Variants in SYNE2 observed in about 807,000 individuals in gnomAD.
SYNE2 encodes the protein spectrin repeat containing nuclear envelope protein 2.
A neutral mutation model predicts 856.3 loss-of-function variants in SYNE2; 431 were observed. The ratio of observed to expected loss-of-function variants is 0.50; its 90% CI spans 0.47 to 0.55. The LOEUF (loss-of-function observed/expected upper bound fraction) is 0.55, where lower values mean the gene tolerates loss of function less well. Ranked by LOEUF, SYNE2 falls within the 20% of genes least tolerant of loss-of-function variation. The pLI is 0.00. For synonymous variants in SYNE2, 2,923 were observed against 2,872.3 expected (o/e 1.02, Z -0.56); for missense variants, 8,129 against 8,023.2 (o/e 1.01, Z -0.50).
At position 64,080,466 on chromosome 14, in the gene SYNE2, A is replaced by G. The variant is rs1595379549; in HGVS notation, c.11174A>G (p.Asp3725Gly). 1.2e-6 allele frequency: 2 copies of G among 1,614,042 alleles called. No individual in the cohort carries two copies. The highest frequency in any genetic ancestry group is 3.3e-5 in the Admixed American group (2 of 60,004). Reference protein sequence around the residue: ...KAQEIQKKMWDELDLWHSKLN... With the variant: ...KAQEIQKKMWGELDLWHSKLN... ...GATTTCCTTCTCCAGAAAATGTGGG[A>G]CGAGTTAGATCTATGGCATTCCAAA... The change falls in exon 56 of 116, where the codon GAC becomes GGC. Residue 3725 changes from aspartate (D) to glycine (G), a missense_variant. By Grantham distance (94) the Asp-to-Gly change is moderately conservative (BLOSUM62 -1). Coordinates refer to ENST00000555002, the MANE Select transcript of SYNE2 (RefSeq NM_182914.3).
At chr14:64,104,830 C>A (rs909196955) in intron 64 of SYNE2, among the ~76,000 whole-genome samples, 2 of 152,166 alleles carry the variant, frequency 1.3e-5, no homozygotes, top group African/African-American at 4.8e-5. Flanking sequence ...CAAACTAAAT[C>A]TCTAGTCTTG....
rs958422399 is a variant in SYNE2 at position 63,879,890 on chromosome 14, C to T, written c.-52+26747C>T. ...TATAGCACCAACCAGCAAAGGATAT[C>T]GCAGTTGCGTAGAAATTAAATCTCT... On this transcript the variant is annotated intron_variant, in intron 1 of 115. Transcript: ENST00000555002. 7.2e-5 allele frequency among the ~76,000 whole-genome samples: 11 copies of T among 152,316 alleles called. No individual in the cohort carries two copies. In the East Asian group the frequency reaches 1.3e-3, roughly 19 times the overall value.
chr14:64,096,351 A>G (rs979143229), intron 61 of SYNE2, among the ~76,000 whole-genome samples: 14 of 152,210 alleles, frequency 9.2e-5, no homozygotes, highest in Non-Finnish European at 1.5e-4. Flanking sequence ...CTTTCATGCC[A>G]TCAGTGCAAA....
intron 51 of SYNE2, among the ~76,000 whole-genome samples, chr14:64,066,035 C>T (rs867097395): frequency 9.2e-5 from 14 of 152,196 alleles, no homozygotes; most frequent in Middle Eastern, 6.8e-3. Flanking sequence ...TAATTTTCAA[C>T]TATGGAAATT....
intron 100 of SYNE2, among the ~76,000 whole-genome samples, chr14:64,203,255 G>T (rs1374898886): frequency 6.6e-6 from 1 of 151,950 alleles, no homozygotes; most frequent in Non-Finnish European, 1.5e-5. Context: ...ACTGATCTTT[G>T]TTGTGTTTTG....
In SYNE2 at chr14:63,940,602, T is replaced by C; in HGVS notation, c.80-12T>C. 1 of 1,614,030 alleles carries C rather than the reference T, an allele frequency of 6.2e-7. No individual in the cohort carries two copies. Among genetic ancestry groups the C allele is most frequent in the Non-Finnish European group, 8.5e-7 (1 of 1,179,902 alleles). On this transcript the variant is annotated splice_polypyrimidine_tract_variant and intron_variant, in intron 2 of 115. Transcript: ENST00000555002. ...TCTGGTTTTATAACTGCTGTTGTTC[T>C]TTCTTTGATAGCTGAACAGGAAGAC...
Position 64,152,644 on chromosome 14 carries a change from A to C in SYNE2, c.15720A>C (p.Ala5240=), listed in dbSNP as rs370147066. The C allele has an allele frequency of 5.6e-5, 90 of 1,614,168 alleles. No individual in the cohort carries two copies. The East Asian group carries it at 1.5e-3, about 26-fold the overall frequency. Residue 5240 remains alanine (A), a synonymous_variant, in exon 85 of 116, where the codon GCA becomes GCC. Coordinates refer to ENST00000555002, the MANE Select transcript of SYNE2 (RefSeq NM_182914.3). The part of the protein sequence containing the change: ...KQSYLTLESG[A]VPLLEDTASR... ...GTTATCTGACTTTGGAGAGTGGGGC[A>C]GTGCCATTGTTAGAAGATACAGCAT... is the stretch of plus-strand genomic sequence containing the variant.
intron 2 of SYNE2, among the ~76,000 whole-genome samples, chr14:63,927,428 T>A (rs1157399496): frequency 6.6e-6 from 1 of 152,122 alleles, no homozygotes; most frequent in Non-Finnish European, 1.5e-5. Flanking sequence ...TGAATTGCGC[T>A]CCCGTAATTC....
At position 64,007,088 on chromosome 14, in the gene SYNE2, A is replaced by G. The variant is rs1193128264; in HGVS notation, c.4443A>G (p.Glu1481=). 1 of 1,613,790 alleles carries G rather than the reference A, an allele frequency of 6.2e-7. No homozygotes were observed. Among genetic ancestry groups the G allele is most frequent in the Non-Finnish European group, 8.5e-7 (1 of 1,179,690 alleles). Residue 1481 remains glutamate (E), a synonymous_variant, in exon 31 of 116, where the codon GAA becomes GAG. Coordinates refer to ENST00000555002, the MANE Select transcript of SYNE2 (RefSeq NM_182914.3). ...IRLDKVLDEY[E]EEKRHLQEMA... is the part of the protein sequence containing the mutation. Reference sequence around the variant, plus strand: ...TGGATAAGGTTCTAGATGAATATGAAGAAGAGAAGAGACATTTACAAGAAA... The same window carrying G: ...TGGATAAGGTTCTAGATGAATATGAGGAAGAGAAGAGACATTTACAAGAAA...
intron 11 of SYNE2, among the ~76,000 whole-genome samples, chr14:63,972,256 T>C (rs1196693091): frequency 6.6e-6 from 1 of 152,170 alleles, no homozygotes; most frequent in East Asian, 1.9e-4. Flanking sequence ...GAAGAAGATA[T>C]TGTCTATATA....
chr14:64,043,219 G>A (rs1258828806), intron 45 of SYNE2, among the ~76,000 whole-genome samples: 1 of 152,144 alleles, frequency 6.6e-6, no homozygotes, highest in African/African-American at 2.4e-5. Context: ...CATTCAAGAG[G>A]AAATTTCTAA....
At chr14:63,854,427 A>G (rs946208017) in intron 1 of SYNE2, among the ~76,000 whole-genome samples, 25 of 152,220 alleles carry the variant, frequency 1.6e-4, no homozygotes, top group Middle Eastern at 3.4e-3. Flanking sequence ...TCATGCTTTA[A>G]TGCATGACTC....
chr14:64,190,638 G>T (rs2098513741), intron 99 of SYNE2: 6 of 701,798 alleles, frequency 8.5e-6, no homozygotes, highest in Non-Finnish European at 1.6e-5. Context: ...CCTGGCTTCT[G>T]GATGCTGGGG....
At chr14:63,991,678 A>G (rs918626420) in intron 21 of SYNE2, among the ~76,000 whole-genome samples, 1 of 152,134 alleles carries the variant, frequency 6.6e-6, no homozygotes, top group Non-Finnish European at 1.5e-5. Context: ...CAAACCAGAG[A>G]CTCACTATTA....
rs1273496669 is a variant in SYNE2 at position 64,126,447 on chromosome 14, G to A, written c.13675G>A (p.Glu4559Lys). The A allele has an allele frequency of 1.2e-6, 2 of 1,614,004 alleles. No individual in the cohort carries two copies. Among genetic ancestry groups the A allele is most frequent in the Admixed American group, 1.7e-5 (1 of 59,988 alleles). ...EMLEMPRLYR[E>K]DGSGQQVHYE... is the part of the protein sequence containing the mutation. ...GCTGGAGATGCCCAGACTTTACAGG[G>A]AGGATGGTTCTGGCCAGCAGGTGCA... is the stretch of plus-strand genomic sequence containing the variant. The change falls in exon 72 of 116, where the codon GAG becomes AAG. Residue 4559 changes from glutamate (E) to lysine (K), a missense_variant. Transcript: ENST00000555002.
At chr14:63,941,479 G>C (rs1036429243) in intron 3 of SYNE2, among the ~76,000 whole-genome samples, 7 of 152,116 alleles carry the variant, frequency 4.6e-5, no homozygotes, top group African/African-American at 1.7e-4. Context: ...ACGCAGAAAG[G>C]GTGTTGTGTT....
chr14:63,827,640 A>AAC (rs1555342677), intron 1 of SYNE2, among the ~76,000 whole-genome samples: 12 of 137,472 alleles, frequency 8.7e-5, no homozygotes, highest in African/African-American at 3.0e-4. Flanking sequence ...AAAAAAAAAA[A>AAC]AAAAAAAAAA....
chr14:64,037,338 C>G (rs145935554), intron 45 of SYNE2, among the ~76,000 whole-genome samples: 90 of 150,824 alleles, frequency 6.0e-4, no homozygotes, highest in Non-Finnish European at 9.9e-4. Context: ...TGACTCTTAA[C>G]GAGCATGCTG....
intron 19 of SYNE2, among the ~76,000 whole-genome samples, chr14:63,987,957 G>T (rs2096638471): frequency 6.6e-6 from 1 of 152,078 alleles, no homozygotes; most frequent in Non-Finnish European, 1.5e-5. Context: ...TTTAAACAGA[G>T]TTGTATTTTT....
Sources: gnomAD v4.1 joint callset for allele counts (sites outside exome capture counted in the v4.1 genomes callset) on GRCh38, gnomAD v4.1.1 for gene constraint, MANE v1.5 for transcripts, NCBI Gene and HGNC (gene_info 2026-07-23, HGNC 2026-07-21) for gene names.